Variants in LEPR observed in about 807,000 individuals in gnomAD.
The protein encoded by LEPR is leptin receptor, also known as OB receptor.
Under a neutral mutation model 114.7 loss-of-function variants are expected in LEPR, and 56 were observed. The observed-to-expected ratio is 0.49, with a 90% confidence interval of 0.39 to 0.61. LEPR has a LOEUF of 0.61. Ranked by LOEUF, LEPR falls within the 20% of genes least tolerant of loss-of-function variation. The pLI is 0.00. For synonymous variants in LEPR, 443 were observed against 461.4 expected, an observed-to-expected ratio of 0.96 and a Z score of 0.51; for missense variants, 1,202 against 1,352.9, an observed-to-expected ratio of 0.89 and a Z score of 1.75.
At chr1:65,481,321 G>A (rs529055549) in intron 2 of LEPR, among the ~76,000 whole-genome samples, 3 of 152,144 alleles carry the variant, frequency 2.0e-5, no homozygotes, top group African/African-American at 7.2e-5. Context: ...ATATGATTCA[G>A]CCCATAACAG....
At chr1:65,629,943 A>T (rs1248946786) in intron 19 of LEPR, among the ~76,000 whole-genome samples, 1 of 151,972 alleles carries the variant, frequency 6.6e-6, no homozygotes, top group Non-Finnish European at 1.5e-5. Context: ...CCTTTCCTTC[A>T]TCTTTCTTAA....
intron 2 of LEPR, among the ~76,000 whole-genome samples, chr1:65,557,600 A>G (rs1464941487): frequency 6.6e-6 from 1 of 152,076 alleles, no homozygotes; most frequent in East Asian, 1.9e-4. Flanking sequence ...TTGTATTTTT[A>G]GTAGAGACAG....
chr1:65,461,260 C>T (rs1646942501), intron 2 of LEPR, among the ~76,000 whole-genome samples: 1 of 152,128 alleles, frequency 6.6e-6, no homozygotes, highest in Non-Finnish European at 1.5e-5. Flanking sequence ...CAGGCGTGAG[C>T]CACCATGCCT....
chr1:65,535,924 A>G (rs1490822760), intron 2 of LEPR, among the ~76,000 whole-genome samples: 1 of 152,174 alleles, frequency 6.6e-6, no homozygotes, highest in Non-Finnish European at 1.5e-5. Flanking sequence ...TGTCCACTCT[A>G]TGGAATCTTT....
intron 2 of LEPR, among the ~76,000 whole-genome samples, chr1:65,534,468 G>A (rs1273481737): frequency 6.6e-6 from 1 of 152,102 alleles, no homozygotes; most frequent in East Asian, 1.9e-4. Flanking sequence ...GAGCTTACTC[G>A]GGGCTAAGCA....
At chr1:65,448,470 G>T (rs1236750402) in intron 2 of LEPR, among the ~76,000 whole-genome samples, 2 of 152,160 alleles carry the variant, frequency 1.3e-5, no homozygotes, top group Non-Finnish European at 2.9e-5. Flanking sequence ...AAAGATATTG[G>T]ATCTGTAGTC....
chr1:65,572,887 CTGCT>C (rs1195700801), intron 5 of LEPR, among the ~76,000 whole-genome samples: 1 of 152,208 alleles, frequency 6.6e-6, no homozygotes, highest in Non-Finnish European at 1.5e-5. Context: ...TCTGTTTTGA[CTGCT>C]TGGGCCAGCT....
At chr1:65,583,863 T>C (rs1380405524) in intron 5 of LEPR, among the ~76,000 whole-genome samples, 1 of 151,994 alleles carries the variant, frequency 6.6e-6, no homozygotes, top group Non-Finnish European at 1.5e-5. Flanking sequence ...TGTTCAAGAA[T>C]GTAAAGGAAA....
chr1:65,545,347 G>A (rs1419155189), intron 2 of LEPR, among the ~76,000 whole-genome samples: 8 of 152,038 alleles, frequency 5.3e-5, no homozygotes, highest in Admixed American at 2.0e-4. Context: ...GGGTCAAATG[G>A]TATTTCTAGT....
chr1:65,573,095 A>G (rs1350119962), intron 5 of LEPR, among the ~76,000 whole-genome samples: 1 of 152,222 alleles, frequency 6.6e-6, no homozygotes, highest in Non-Finnish European at 1.5e-5. Context: ...CGCCTGTACA[A>G]GAACATCTGT....
chr1:65,564,256 T>C (rs1244720933), intron 2 of LEPR, among the ~76,000 whole-genome samples: 2 of 150,486 alleles, frequency 1.3e-5, no homozygotes, highest in Non-Finnish European at 3.0e-5. Context: ...AATCTCGTGG[T>C]GCGCCGTTTT....
chr1:65,511,154 T>C (rs1046662504), intron 2 of LEPR, among the ~76,000 whole-genome samples: 3 of 152,190 alleles, frequency 2.0e-5, no homozygotes, highest in African/African-American at 7.2e-5. Context: ...CTGTCACATT[T>C]CTGACAAACA....
intron 2 of LEPR, among the ~76,000 whole-genome samples, chr1:65,556,861 G>A (rs946020903): frequency 6.6e-6 from 1 of 152,152 alleles, no homozygotes; most frequent in African/African-American, 2.4e-5. Context: ...GGAGAGGGCT[G>A]TAGTGCTTTG....
chr1:65,547,909 A>G (rs1016920170), intron 2 of LEPR, among the ~76,000 whole-genome samples: 1 of 144,252 alleles, frequency 6.9e-6, no homozygotes, highest in South Asian at 2.3e-4. Context: ...TAGGGTGTCA[A>G]TTTTGGATCT....
At chr1:65,462,950 G>T (rs1646964557) in intron 2 of LEPR, among the ~76,000 whole-genome samples, 1 of 152,056 alleles carries the variant, frequency 6.6e-6, no homozygotes, top group Admixed American at 6.6e-5. Context: ...TATGTTGCCT[G>T]TTCACTCTGA....
At chr1:65,630,037 C>T (rs555145935) in intron 19 of LEPR, among the ~76,000 whole-genome samples, 32 of 152,074 alleles carry the variant, frequency 2.1e-4, no homozygotes, top group Non-Finnish European at 3.8e-4. Context: ...CTGCCCTCCT[C>T]GATTGTTAGT....
In LEPR at chr1:65,638,150, A is replaced by C. The variant is rs1658772066; in HGVS notation, c.*1135A>C. The C allele has an allele frequency of 6.6e-6, 1 of 152,106 alleles. No individual in the cohort carries two copies. Among genetic ancestry groups the C allele is most frequent in the East Asian group, 1.9e-4 (1 of 5,202 alleles). 9.4% of individuals were successfully genotyped at this position (152,106 alleles called of 1,614,324 possible). A position where few individuals can be genotyped will look rare whatever the true frequency, so the allele number is the denominator to read the frequency against. On this transcript the variant is annotated 3_prime_UTR_variant, in exon 20 of 20. Transcript: ENST00000349533. ...GATCGCTTGAGCTCAGAAGTCTTGA[A>C]ACTAGCCGGGGCAACATAGTGAGGC...
At position 65,633,050 on chromosome 1, in the gene LEPR, C is replaced by G; in HGVS notation, c.2674-3141C>G. ...GTAACCTAACACAAAAATTTATAGT[C>G]CAGAACCCATGCTTGACAATGTTTT... is the stretch of plus-strand genomic sequence containing the variant. On this transcript the variant is annotated intron_variant, in intron 19 of 19. Transcript: ENST00000349533. The surrounding 1 kb of genome is among the most constrained non-coding windows in gnomAD (Gnocchi z 4.1). 16 of 965,398 alleles carry G rather than the reference C, an allele frequency of 1.7e-5. 2 individuals carry two copies. In the South Asian group the frequency reaches 2.1e-4, roughly 13 times the overall value. 59.8% of individuals were successfully genotyped at this position (965,398 alleles called of 1,614,324 possible).
intron 2 of LEPR, among the ~76,000 whole-genome samples, chr1:65,535,091 G>T (rs1650666254): frequency 6.6e-6 from 1 of 152,070 alleles, no homozygotes; most frequent in Non-Finnish European, 1.5e-5. Flanking sequence ...AGATGAAAGA[G>T]ATGATAAATC....
Sources: allele counts gnomAD v4.1 joint callset (sites outside exome capture counted in the v4.1 genomes callset), GRCh38; gene constraint gnomAD v4.1.1; non-coding constraint Gnocchi (gnomAD v3.1); transcripts MANE v1.5; gene names NCBI Gene and HGNC (gene_info 2026-07-23, HGNC 2026-07-21).